The following USP54 variants were observed in gnomAD, a reference collection of about 807,000 sequenced individuals.
USP54 encodes ubiquitin carboxyl-terminal hydrolase 54.
USP54 carries 87 observed loss-of-function variants against 170.5 expected under a neutral mutation model. The observed-to-expected ratio is 0.51, with a 90% CI of 0.43 to 0.61. The LOEUF is 0.61. Among genes scored for constraint, USP54 ranks in the 20% least tolerant of loss-of-function variants. The pLI is 0.00. For synonymous variants in USP54, 655 were observed against 742.8 expected, an observed-to-expected ratio of 0.88 and a Z score of 1.92; for missense variants, 1,786 against 2,047.8, an observed-to-expected ratio of 0.87 and a Z score of 2.47.
intron 1 of USP54, among the ~76,000 whole-genome samples, chr10:73,613,024 G>A (rs1589408964): frequency 6.6e-6 from 1 of 151,708 alleles, no homozygotes; most frequent in East Asian, 1.9e-4. Context: ...AAGCATGGTG[G>A]TGCGTGCCTC....
chr10:73,579,074 C>A (rs112190487), intron 1 of USP54, among the ~76,000 whole-genome samples: 1 of 150,960 alleles, frequency 6.6e-6, no homozygotes, highest in Admixed American at 6.6e-5. Flanking sequence ...ATCACCCTCA[C>A]CCCCACCCCC....
intron 1 of USP54, among the ~76,000 whole-genome samples, chr10:73,590,598 T>C (rs2078130327): frequency 6.6e-6 from 1 of 152,194 alleles, no homozygotes; most frequent in Non-Finnish European, 1.5e-5. Context: ...AATCTAAATA[T>C]CAAATATTAA....
intron 1 of USP54, among the ~76,000 whole-genome samples, chr10:73,597,739 G>A (rs1251323901): frequency 6.6e-6 from 1 of 152,126 alleles, no homozygotes; most frequent in East Asian, 1.9e-4. Context: ...CAGCTGTATT[G>A]GGGCAATGGG....
At chr10:73,535,212 T>G (rs2064982153) in intron 11 of USP54, among the ~76,000 whole-genome samples, 1 of 152,212 alleles carries the variant, frequency 6.6e-6, no homozygotes, top group South Asian at 2.1e-4. Context: ...CCAGATGCAT[T>G]TTTAATGACT....
intron 1 of USP54, among the ~76,000 whole-genome samples, chr10:73,620,989 C>G (rs1432816423): frequency 6.7e-6 from 1 of 149,598 alleles, no homozygotes; most frequent in African/African-American, 2.5e-5. Flanking sequence ...AACCCCGTCT[C>G]TACTAAAAAT....
chr10:73,607,648 T>C (rs1228081950), intron 1 of USP54, among the ~76,000 whole-genome samples: 2 of 151,294 alleles, frequency 1.3e-5, no homozygotes, highest in Admixed American at 6.6e-5. Flanking sequence ...CTGACCAACA[T>C]GGTAAAACCC....
At position 73,621,902 on chromosome 10, in the gene USP54, ATC is replaced by A. The variant is rs567881661; in HGVS notation, c.-18+3663_-18+3664del. Among the ~76,000 whole-genome samples the A allele has an allele frequency of 1.8e-4, 27 of 152,260 alleles. 1 individual carries two copies. The highest frequency in any genetic ancestry group is 6.5e-4 in the African/African-American group (27 of 41,554). On this transcript the variant is annotated intron_variant, in intron 1 of 22. Coordinates refer to the USP54 transcript ENST00000339859. ...TTAGTTCCCCATAGGTAGTGTAAAT[ATC>A]TGAGGGAGAAAATGTATGAGTAAAA... is the stretch of plus-strand genomic sequence containing the variant.
chr10:73,513,757 T>C (rs1187231741), intron 20 of USP54, among the ~76,000 whole-genome samples: 4 of 152,204 alleles, frequency 2.6e-5, no homozygotes, highest in African/African-American at 4.8e-5. Flanking sequence ...TTTGATACTT[T>C]ATGTATTTTC....
At chr10:73,539,908 T>C (rs1218376168) in intron 9 of USP54, among the ~76,000 whole-genome samples, 1 of 151,076 alleles carries the variant, frequency 6.6e-6, no homozygotes, top group African/African-American at 2.4e-5. Flanking sequence ...AACAGATCTC[T>C]TGAGGTCAGG....
At chr10:73,569,404 C>T (rs2074550894) in intron 4 of USP54, among the ~76,000 whole-genome samples, 1 of 152,178 alleles carries the variant, frequency 6.6e-6, no homozygotes, top group Non-Finnish European at 1.5e-5. Context: ...TTATATTCAA[C>T]TTGTAAAAGA....
chr10:73,497,825 C>A lies in USP54; in HGVS notation c.*804G>T, dbSNP rs1219900086. ...GGCAGGGGGGCTGCCCTGATGATGT[C>A]ATCAGAACCATGACCACAGGGCTAC... On this transcript the variant is annotated 3_prime_UTR_variant, in exon 24 of 24. Coordinates refer to ENST00000687698, the MANE Select transcript of USP54 (RefSeq NM_001391956.1). 1 of 152,240 alleles carries A rather than the reference C, an allele frequency of 6.6e-6. No individual in the cohort carries two copies. The highest frequency in any genetic ancestry group is 2.4e-5 in the African/African-American group (1 of 41,436). 9.4% of individuals were successfully genotyped at this position (152,240 alleles called of 1,614,324 possible).
intron 1 of USP54, among the ~76,000 whole-genome samples, chr10:73,599,705 C>T (rs2079012912): frequency 6.6e-6 from 1 of 152,022 alleles, no homozygotes; most frequent in Non-Finnish European, 1.5e-5. Context: ...AGTTTGAAAA[C>T]AATTATCTCT....
intron 4 of USP54, among the ~76,000 whole-genome samples, chr10:73,558,259 G>A (rs968579374): frequency 6.6e-6 from 1 of 152,098 alleles, no homozygotes; most frequent in African/African-American, 2.4e-5. Context: ...TATTTTCAAT[G>A]AAAGGCATAA....
intron 15 of USP54, among the ~76,000 whole-genome samples, chr10:73,527,837 C>CAAAAAAAAAAA (rs1015620084): frequency 6.9e-5 from 3 of 43,712 alleles, no homozygotes; most frequent in Non-Finnish European, 9.3e-5. Context: ...CCATCGATAC[C>CAAAAAAAAAAA]AAAAAAAAAA....
intron 4 of USP54, among the ~76,000 whole-genome samples, chr10:73,562,045 G>A (rs2133717166): frequency 6.6e-6 from 1 of 152,040 alleles, no homozygotes; most frequent in Middle Eastern, 3.4e-3. Context: ...AGGTTGCAGT[G>A]AGCCGAGATC....
At chr10:73,546,841 A>G (rs955042401) in intron 4 of USP54, among the ~76,000 whole-genome samples, 1 of 152,090 alleles carries the variant, frequency 6.6e-6, no homozygotes, top group Non-Finnish European at 1.5e-5. Flanking sequence ...GGCTGTCTCC[A>G]ATTTTTTGCT....
At chr10:73,529,598 T>G (rs1393239097) in intron 15 of USP54, 82 bp downstream of exon 15, 1 of 1,490,724 alleles carries the variant, frequency 6.7e-7, no homozygotes, top group South Asian at 1.1e-5. Context: ...CCTCCACTTG[T>G]CTCAGCCATG....
chr10:73,543,513 C>G (rs1458811752), intron 5 of USP54, among the ~76,000 whole-genome samples: 1 of 151,570 alleles, frequency 6.6e-6, no homozygotes, highest in Non-Finnish European at 1.5e-5. Context: ...ACTACAGGCG[C>G]CCGCCACCAC....
At chr10:73,611,814 A>G (rs2132314105) in intron 1 of USP54, among the ~76,000 whole-genome samples, 1 of 149,920 alleles carries the variant, frequency 6.7e-6, no homozygotes, top group Admixed American at 6.7e-5. Context: ...AGTAATAAAA[A>G]TGAAATAAAA....
Sources: allele counts gnomAD v4.1 joint callset (sites outside exome capture counted in the v4.1 genomes callset), GRCh38; gene constraint gnomAD v4.1.1; transcripts MANE v1.5; gene names NCBI Gene and HGNC (gene_info 2026-07-23, HGNC 2026-07-21).